The following DOCK3 variants were observed in gnomAD, a reference collection of about 807,000 sequenced individuals.
DOCK3 encodes the protein dedicator of cytokinesis protein 3.
A neutral mutation model predicts 265.6 loss-of-function variants in DOCK3; 60 were observed. That is an observed-to-expected ratio of 0.23 (90% CI 0.18 to 0.28). The LOEUF is 0.28. Among genes scored for constraint, DOCK3 ranks in the 10% least tolerant of loss-of-function variants. The pLI is 1.00. For synonymous variants in DOCK3, 881 were observed against 938.0 expected (o/e 0.94, Z 1.11); for missense variants, 1,981 against 2,594.3 (o/e 0.76, Z 5.14).
chr3:51,148,290 G>T (rs1256639014), intron 10 of DOCK3, among the ~76,000 whole-genome samples: 12 of 152,154 alleles, frequency 7.9e-5, no homozygotes, highest in Non-Finnish European at 1.3e-4. Context: ...CATTCTGTAG[G>T]TTGCCTGTTC....
intron 1 of DOCK3, among the ~76,000 whole-genome samples, chr3:50,677,010 G>A (rs1210791043): frequency 6.6e-6 from 1 of 152,210 alleles, no homozygotes; most frequent in African/African-American, 2.4e-5. Context: ...GAATCTCAAA[G>A]CACTAGGATT....
intron 6 of DOCK3, among the ~76,000 whole-genome samples, chr3:51,072,087 G>C (rs2081898266): frequency 6.6e-6 from 1 of 152,206 alleles, no homozygotes; most frequent in African/African-American, 2.4e-5. Context: ...AAAACACTCT[G>C]CTCTCAAGAG....
Position 50,958,573 on chromosome 3 carries a change from G to T in DOCK3, c.315+24496G>T, listed in dbSNP as rs59369792. ...AGATGCACTTCTAAAAGGGTATGCA[G>T]TTAATGGTGGGCAGTGCTGAGCATA... is the stretch of plus-strand genomic sequence containing the variant. On this transcript the variant is annotated intron_variant, in intron 5 of 52. Coordinates refer to ENST00000266037, the MANE Select transcript of DOCK3 (RefSeq NM_004947.5). Among the ~76,000 whole-genome samples, 947 of 152,308 alleles carry T rather than the reference G, an allele frequency of 6.2e-3. 9 individuals carry two copies. Among genetic ancestry groups the T allele is most frequent in the African/African-American group, 0.021 (890 of 41,574 alleles).
intron 5 of DOCK3, among the ~76,000 whole-genome samples, chr3:50,939,765 A>C (rs951380925): frequency 1.3e-5 from 2 of 152,150 alleles, no homozygotes; most frequent in African/African-American, 4.8e-5. Context: ...CCCACAGCAA[A>C]TGTGGTAATG....
intron 5 of DOCK3, among the ~76,000 whole-genome samples, chr3:50,995,000 G>A (rs2078229182): frequency 6.6e-6 from 1 of 152,152 alleles, no homozygotes; most frequent in Non-Finnish European, 1.5e-5. Context: ...TGCCAAGTAT[G>A]TCATGAAAGG....
chr3:51,372,219 A>T (rs1311766239), intron 49 of DOCK3, among the ~76,000 whole-genome samples: 1 of 152,244 alleles, frequency 6.6e-6, no homozygotes, highest in East Asian at 1.9e-4. Flanking sequence ...ATTCGTTGAC[A>T]CTGGGGTTTA....
chr3:51,360,443 T>C (rs1461464521), intron 46 of DOCK3, 68 bp from the exon 47 acceptor site: 1 of 1,535,846 alleles, frequency 6.5e-7, no homozygotes, highest in African/African-American at 1.4e-5. Flanking sequence ...CAGTCAGTTA[T>C]TCCCTCACAT....
chr3:51,304,209 A>C (rs746596749), intron 27 of DOCK3, among the ~76,000 whole-genome samples: 2 of 152,098 alleles, frequency 1.3e-5, no homozygotes, highest in African/African-American at 2.4e-5. Context: ...TGCCACAGCC[A>C]GTGTGGCAGT....
chr3:51,100,518 C>T (rs2076331037), intron 9 of DOCK3, among the ~76,000 whole-genome samples: 1 of 152,158 alleles, frequency 6.6e-6, no homozygotes, highest in South Asian at 2.1e-4. Flanking sequence ...GTCACTGGCT[C>T]ACCTCTGAAC....
chr3:50,887,218 G>A (rs1256825771), intron 3 of DOCK3, among the ~76,000 whole-genome samples: 1 of 152,048 alleles, frequency 6.6e-6, no homozygotes, highest in Non-Finnish European at 1.5e-5. Flanking sequence ...ACTACCATCA[G>A]AGAATACTAC....
At chr3:51,051,477 A>G (rs544562947) in intron 5 of DOCK3, among the ~76,000 whole-genome samples, 8 of 152,330 alleles carry the variant, frequency 5.3e-5, no homozygotes, top group African/African-American at 1.7e-4. Flanking sequence ...AGCCCTTACT[A>G]GGTACTAGGC....
At chr3:51,208,964 A>G in intron 13 of DOCK3, 102 bp downstream of exon 13, 1 of 974,522 alleles carries the variant, frequency 1.0e-6, no homozygotes, top group South Asian at 1.7e-5. Flanking sequence ...TATTCCCTAC[A>G]GATATTTATT....
intron 2 of DOCK3, among the ~76,000 whole-genome samples, chr3:50,798,836 A>G (rs2042924732): frequency 6.6e-6 from 1 of 152,014 alleles, no homozygotes; most frequent in Non-Finnish European, 1.5e-5. Flanking sequence ...GTTTACTTAT[A>G]GTAGTTTTAT....
chr3:51,379,326 G>GCTGGC (rs2088412002), intron 51 of DOCK3: 1 of 944,932 alleles, frequency 1.1e-6, no homozygotes, highest in African/African-American at 1.8e-5. Flanking sequence ...AGTTCCAGGT[G>GCTGGC]CTGGCATGCC....
chr3:50,697,587 G>T (rs1038272480), intron 1 of DOCK3, among the ~76,000 whole-genome samples: 2 of 152,214 alleles, frequency 1.3e-5, no homozygotes, highest in East Asian at 3.9e-4. Context: ...GCAAAACTCC[G>T]TCTCAAAAAC....
chr3:51,193,801 C>CTTTTTTT (rs36051516), intron 12 of DOCK3, among the ~76,000 whole-genome samples: 1 of 126,674 alleles, frequency 7.9e-6, no homozygotes, highest in African/African-American at 3.0e-5. Flanking sequence ...GGGCTTCTCT[C>CTTTTTTT]TTTTTTTTTT....
chr3:50,849,138 G>A (rs1182336892), intron 3 of DOCK3, among the ~76,000 whole-genome samples: 1 of 151,972 alleles, frequency 6.6e-6, no homozygotes, highest in African/African-American at 2.4e-5. Flanking sequence ...AAGCTCAAGC[G>A]GCCCCTCCAC....
chr3:51,186,415 G>A (rs1005469256), intron 12 of DOCK3, among the ~76,000 whole-genome samples: 1 of 152,194 alleles, frequency 6.6e-6, no homozygotes, highest in African/African-American at 2.4e-5. Flanking sequence ...TATAAGGGAA[G>A]CAGAGCACAA....
chr3:50,920,378 T>C (rs1487373133), intron 4 of DOCK3, among the ~76,000 whole-genome samples: 1 of 152,204 alleles, frequency 6.6e-6, no homozygotes, highest in Admixed American at 6.5e-5. Flanking sequence ...CGTCTGGTCC[T>C]GGACTTTTTT....
Sources: allele counts gnomAD v4.1 joint callset (sites outside exome capture counted in the v4.1 genomes callset), GRCh38; gene constraint gnomAD v4.1.1; transcripts MANE v1.5; gene names NCBI Gene and HGNC (gene_info 2026-07-23, HGNC 2026-07-21).